The following AQR variants were observed in gnomAD, a reference collection of about 807,000 sequenced individuals.
AQR encodes the protein RNA helicase aquarius.
AQR carries 61 observed loss-of-function variants against 180.5 expected under a neutral mutation model. That is an observed-to-expected ratio of 0.34 (90% confidence interval 0.28 to 0.42). AQR has a LOEUF of 0.42. AQR is among the 10% of genes least tolerant of loss of function. AQR has a pLI of 1.00. For synonymous variants in AQR, 551 were observed against 588.8 expected (o/e 0.94, Z 0.93); for missense variants, 1,281 against 1,798.3 (o/e 0.71, Z 5.20).
At chr15:34,873,375 A>G (rs1201333360) in intron 30 of AQR, among the ~76,000 whole-genome samples, 1 of 152,152 alleles carries the variant, frequency 6.6e-6, no homozygotes, top group Admixed American at 6.6e-5. Context: ...TGAAAATGTA[A>G]TTCAGTGATT....
chr15:34,942,487 G>T (rs1415361454), intron 6 of AQR, among the ~76,000 whole-genome samples: 1 of 151,780 alleles, frequency 6.6e-6, no homozygotes, highest in Non-Finnish European at 1.5e-5. Flanking sequence ...TATTTTTTTT[G>T]GCACGCTTGT....
rs368882712 is a variant in AQR at position 34,873,846 on chromosome 15, A to G, written c.3579T>C (p.Pro1193=). The change falls in exon 30 of 35, where the codon CCT becomes CCC. Residue 1193 remains proline (P), a synonymous_variant. Coordinates refer to ENST00000156471, the MANE Select transcript of AQR (RefSeq NM_014691.3). ...TTCTTACCTGATAGAAGTAAGGATT[A>G]GGTTCAGATTCTCCCACTCCTTGAA... ...EDFQGVGESE[P]NPYFYQNLGE... is the part of the protein sequence containing the mutation. The G allele has an allele frequency of 3.8e-5, 61 of 1,596,446 alleles. No homozygotes were observed. The Middle Eastern group carries it at 2.0e-3, about 52-fold the overall frequency.
intron 25 of AQR, among the ~76,000 whole-genome samples, 198 bp downstream of exon 25, chr15:34,886,328 A>C (rs1201886190): frequency 1.3e-5 from 2 of 152,230 alleles, no homozygotes; most frequent in Non-Finnish European, 2.9e-5. Context: ...ATGAGTCATC[A>C]AGCAAAGTTA....
Position 34,883,018 on chromosome 15 carries a change from A to G in AQR, c.3028-379T>C, listed in dbSNP as rs571203248. Among the ~76,000 whole-genome samples the G allele has an allele frequency of 2.0e-5, 3 of 152,324 alleles. No homozygotes were observed. In the South Asian group the frequency reaches 6.2e-4, roughly 32 times the overall value. On this transcript the variant is annotated intron_variant, in intron 26 of 34. Coordinates refer to ENST00000156471, the MANE Select transcript of AQR (RefSeq NM_014691.3). ...TATATAAGTGATAGAGGAACTATAA[A>G]GGTAATGTAACATAGAAATTAGAGA...
chr15:34,943,080 A>C, intron 6 of AQR: 4 of 1,611,648 alleles, frequency 2.5e-6, no homozygotes, highest in Non-Finnish European at 3.4e-6. Context: ...TCACGCAAGC[A>C]TGGTTAACGT....
At chr15:34,893,613 A>ATG in intron 23 of AQR, 50 bp downstream of exon 23, 7 of 831,220 alleles carry the variant, frequency 8.4e-6, no homozygotes, top group Admixed American at 5.0e-5. Context: ...GCGTGCACAC[A>ATG]CACACACACA....
intron 17 of AQR, among the ~76,000 whole-genome samples, chr15:34,906,995 T>C (rs1893428487): frequency 6.6e-6 from 1 of 152,184 alleles, no homozygotes. Flanking sequence ...ATGCTACAGC[T>C]CCAAAATTGG....
At chr15:34,921,124 C>CTT (rs1893677555) in intron 13 of AQR, among the ~76,000 whole-genome samples, 3 of 152,034 alleles carry the variant, frequency 2.0e-5, no homozygotes, top group African/African-American at 7.2e-5. Flanking sequence ...ATTTTGCACA[C>CTT]AACTTTTACT....
At chr15:34,901,576 T>C (rs1055869595) in intron 19 of AQR, among the ~76,000 whole-genome samples, 3 of 152,210 alleles carry the variant, frequency 2.0e-5, no homozygotes, top group Non-Finnish European at 2.9e-5. Flanking sequence ...ATATAGAAAT[T>C]TGGAGGCTAG....
intron 27 of AQR, among the ~76,000 whole-genome samples, chr15:34,880,537 A>T (rs777614526): frequency 5.9e-5 from 9 of 152,332 alleles, no homozygotes; most frequent in Non-Finnish European, 8.8e-5. Flanking sequence ...TAAACAAACA[A>T]AAAAGGCGAA....
chr15:34,921,491 AT>A (rs368894374), intron 13 of AQR, among the ~76,000 whole-genome samples: 2,505 of 151,660 alleles, frequency 0.017, 73 homozygotes, highest in African/African-American at 0.056. Flanking sequence ...CAAATGGCCA[AT>A]TTTTTTTCAA....
intron 20 of AQR, among the ~76,000 whole-genome samples, chr15:34,900,263 A>G (rs565752764): frequency 3.9e-5 from 6 of 152,238 alleles, no homozygotes; most frequent in Non-Finnish European, 5.9e-5. Flanking sequence ...TCCTAAAAAC[A>G]AAGTTCAACA....
intron 31 of AQR, chr15:34,870,256 TG>T (rs1308818559): frequency 6.6e-6 from 1 of 152,172 alleles, no homozygotes; most frequent in Non-Finnish European, 1.5e-5. Flanking sequence ...ATTATCTTTA[TG>T]TTTTTTCTAA....
intron 12 of AQR, among the ~76,000 whole-genome samples, chr15:34,930,025 G>A (rs746274434): frequency 6.6e-6 from 1 of 152,082 alleles, no homozygotes; most frequent in Non-Finnish European, 1.5e-5. Context: ...AACTGGCCCA[G>A]TAACTAACAT....
chr15:34,961,710 G>C (rs1028738124), intron 2 of AQR, among the ~76,000 whole-genome samples: 16 of 142,366 alleles, frequency 1.1e-4, no homozygotes, highest in African/African-American at 4.0e-4. Context: ...CGAATTGGAA[G>C]ACTGGTTCAA....
At position 34,930,204 on chromosome 15, in the gene AQR, G is replaced by A. The variant is rs1253129497; in HGVS notation, c.1014+54C>T. 5 of 1,069,300 alleles carry A rather than the reference G, an allele frequency of 4.7e-6. No homozygotes were observed. The Admixed American group carries it at 6.0e-5, about 13-fold the overall frequency. The allele number at this position is 1,069,300 out of a possible 1,614,324, so 66.2% of individuals were successfully genotyped here. ...TCTGTACCTATACAAAACCTAAATT[G>A]CAGTATGATAAAACCTTATGGAGCA... On this transcript the variant is annotated intron_variant, in intron 12 of 34. Coordinates refer to ENST00000156471, the MANE Select transcript of AQR (RefSeq NM_014691.3).
intron 2 of AQR, among the ~76,000 whole-genome samples, chr15:34,962,638 G>A (rs1414876377): frequency 6.6e-6 from 1 of 151,702 alleles, no homozygotes; most frequent in African/African-American, 2.4e-5. Context: ...GCGTGGTGGC[G>A]TGCATCTGTA....
intron 14 of AQR, among the ~76,000 whole-genome samples, chr15:34,920,054 T>C (rs563335385): frequency 1.3e-5 from 2 of 152,282 alleles, no homozygotes; most frequent in East Asian, 3.9e-4. Context: ...CAGGAATTTT[T>C]AGGAACTGAA....
chr15:34,879,693 G>A (rs1464939449), intron 27 of AQR, among the ~76,000 whole-genome samples: 1 of 151,992 alleles, frequency 6.6e-6, no homozygotes, highest in African/African-American at 2.4e-5. Context: ...GGTAACAATA[G>A]GAATGGTTTA....
Sources: allele counts gnomAD v4.1 joint callset (sites outside exome capture counted in the v4.1 genomes callset), GRCh38; gene constraint gnomAD v4.1.1; transcripts MANE v1.5; gene names NCBI Gene and HGNC (gene_info 2026-07-23, HGNC 2026-07-21).